CRYBG1: variants seen among roughly 807,000 people sequenced by gnomAD.
CRYBG1 encodes the protein beta/gamma crystallin domain-containing protein 1.
CRYBG1 carries 139 observed loss-of-function variants against 189.2 expected under a neutral mutation model. That is an observed-to-expected ratio of 0.73 (90% CI 0.64 to 0.85). The LOEUF (loss-of-function observed/expected upper bound fraction) is 0.85, where lower values mean the gene tolerates loss of function less well. Among genes scored for constraint, CRYBG1 ranks in the 40% least tolerant of loss-of-function variants. The pLI is 0.00. For missense variants in CRYBG1, 2,611 were observed against 2,675.8 expected, an observed-to-expected ratio of 0.98 and a Z score of 0.53; for synonymous variants, 1,023 against 1,017.1, an observed-to-expected ratio of 1.01 and a Z score of -0.11.
intron 10 of CRYBG1, among the ~76,000 whole-genome samples, chr6:106,543,082 GAGTGC>G (rs1774173107): frequency 6.7e-6 from 1 of 149,416 alleles, no homozygotes; most frequent in Admixed American, 6.7e-5. Context: ...ACCCAGGCTG[GAGTGC>G]AGTGACGTGA....
At chr6:106,378,769 T>G (rs1770224210) in intron 1 of CRYBG1, among the ~76,000 whole-genome samples, 1 of 152,196 alleles carries the variant, frequency 6.6e-6, no homozygotes, top group Non-Finnish European at 1.5e-5. Context: ...TGTTTTGTAG[T>G]TTTACTGGTT....
chr6:106,565,861 CTT>C (rs1460256095), intron 21 of CRYBG1, among the ~76,000 whole-genome samples: 2 of 152,066 alleles, frequency 1.3e-5, no homozygotes, highest in Non-Finnish European at 2.9e-5. Context: ...TTTTGATAAA[CTT>C]TATTGCACTA....
chr6:106,434,701 C>T (rs1239412428), intron 1 of CRYBG1, among the ~76,000 whole-genome samples: 3 of 152,222 alleles, frequency 2.0e-5, no homozygotes, highest in Admixed American at 6.5e-5. Flanking sequence ...CAGCCATGGA[C>T]ATGGCTGTAT....
chr6:106,520,003 C>A lies in CRYBG1; in HGVS notation c.2795C>A (p.Thr932Lys). Residue 932 changes from threonine (T) to lysine (K), a missense_variant, in exon 4 of 22, where the codon ACA (threonine) becomes AAA (lysine). By Grantham distance (78) the Thr-to-Lys change is moderately conservative (BLOSUM62 -1). Around this residue, in one of 3 missense-constraint regions of CRYBG1, gnomAD observed 1,622 missense variants for 1,735.0 expected, o/e 0.93. Transcript: ENST00000633556. ...KMPLLELGGE[T>K]TPPLSTERSP... ...CCACTTTTAGAACTTGGAGGAGAAA[C>A]AACCCCTCCTTTGTCCACAGAGCGT... The A allele has an allele frequency of 6.2e-7, 1 of 1,614,142 alleles. No homozygotes were observed. The highest frequency in any genetic ancestry group is 8.5e-7 in the Non-Finnish European group (1 of 1,180,026).
intron 2 of CRYBG1, among the ~76,000 whole-genome samples, chr6:106,456,274 C>G (rs1217658107): frequency 6.6e-6 from 1 of 152,048 alleles, no homozygotes; most frequent in Non-Finnish European, 1.5e-5. Context: ...CTGCCTCAGC[C>G]TCCCTACTAG....
At chr6:106,505,316 G>A (rs193192218) in intron 2 of CRYBG1, among the ~76,000 whole-genome samples, 1 of 151,976 alleles carries the variant, frequency 6.6e-6, no homozygotes, top group African/African-American at 2.4e-5. Flanking sequence ...GGATGGTCTC[G>A]ATCTCTTGAC....
At chr6:106,386,889 C>T (rs1489710099) in intron 1 of CRYBG1, among the ~76,000 whole-genome samples, 1 of 152,174 alleles carries the variant, frequency 6.6e-6, no homozygotes, top group Non-Finnish European at 1.5e-5. Flanking sequence ...GGGACCCCTG[C>T]TCTAGAGGAG....
intron 8 of CRYBG1, among the ~76,000 whole-genome samples, chr6:106,531,447 T>C (rs1353381368): frequency 6.6e-6 from 1 of 152,144 alleles, no homozygotes; most frequent in African/African-American, 2.4e-5. Flanking sequence ...GAAAAACCAG[T>C]AGAAATTAGA....
chr6:106,439,227 C>T (rs1045726761), intron 1 of CRYBG1, among the ~76,000 whole-genome samples: 2 of 151,960 alleles, frequency 1.3e-5, no homozygotes, highest in African/African-American at 2.4e-5. Context: ...ATACCAATAG[C>T]CTTTATTCTT....
intron 1 of CRYBG1, among the ~76,000 whole-genome samples, chr6:106,419,739 A>G (rs1447899314): frequency 6.6e-6 from 1 of 152,166 alleles, no homozygotes; most frequent in African/African-American, 2.4e-5. Flanking sequence ...AAATACAGAA[A>G]TGTTCTATTA....
chr6:106,483,027 T>C (rs545675207), intron 2 of CRYBG1, among the ~76,000 whole-genome samples: 5 of 152,190 alleles, frequency 3.3e-5, no homozygotes, highest in African/African-American at 1.2e-4. Flanking sequence ...TATTTTGTAA[T>C]ATACAGTACC....
chr6:106,477,387 G>A (rs1397154888), intron 2 of CRYBG1, among the ~76,000 whole-genome samples: 1 of 152,170 alleles, frequency 6.6e-6, no homozygotes, highest in African/African-American at 2.4e-5. Flanking sequence ...TGTGCTTTCA[G>A]TAGATAGTTA....
chr6:106,560,526 C>G (rs1317333402), intron 18 of CRYBG1, among the ~76,000 whole-genome samples: 2 of 152,176 alleles, frequency 1.3e-5, no homozygotes, highest in African/African-American at 4.8e-5. Flanking sequence ...ACTGAGGAAT[C>G]CACTAAAAGA....
intron 2 of CRYBG1, among the ~76,000 whole-genome samples, chr6:106,476,882 C>T (rs534048111): frequency 2.6e-3 from 389 of 152,260 alleles, no homozygotes; most frequent in Non-Finnish European, 4.4e-3. Flanking sequence ...CTAGCACTGC[C>T]ACTTGATAGC....
chr6:106,441,192 A>T (rs899683020), intron 1 of CRYBG1, among the ~76,000 whole-genome samples: 8 of 152,198 alleles, frequency 5.3e-5, no homozygotes, highest in African/African-American at 1.9e-4. Flanking sequence ...AAGGGCAAAC[A>T]AATCTGTCTG....
rs1773256143 is a variant in CRYBG1 at position 106,511,533 on chromosome 6, A to T, written c.416A>T (p.Glu139Val). 3 of 1,535,718 alleles carry T rather than the reference A, an allele frequency of 2.0e-6. No individual in the cohort carries two copies. The highest frequency in any genetic ancestry group is 2.6e-6 in the Non-Finnish European group (3 of 1,146,656). Residue 139 changes from glutamate (E) to valine (V), a missense_variant, in exon 3 of 22, where the codon GAG becomes GTG. Glu to Val is a moderately radical substitution (Grantham distance 121, BLOSUM62 -2). Transcript: ENST00000633556. ...GRRRNSRNGL[E>V]SPTRSNAKPL... ...AGAAGAAACAGTAGAAACGGGTTAGAGAGTCCCACCAGATCAAATGCCAAA... is the reference window on the plus strand; with the variant it reads ...AGAAGAAACAGTAGAAACGGGTTAGTGAGTCCCACCAGATCAAATGCCAAA...
At chr6:106,391,492 A>T (rs1195969046) in intron 1 of CRYBG1, among the ~76,000 whole-genome samples, 1 of 152,132 alleles carries the variant, frequency 6.6e-6, no homozygotes, top group Non-Finnish European at 1.5e-5. Flanking sequence ...AACTTTTCAC[A>T]AATCTATTGG....
chr6:106,450,403 A>G (rs2114435523), intron 1 of CRYBG1, among the ~76,000 whole-genome samples: 1 of 152,286 alleles, frequency 6.6e-6, no homozygotes, highest in South Asian at 2.1e-4. Flanking sequence ...CTGTTGCGAA[A>G]TGCTGAGGTC....
intron 1 of CRYBG1, among the ~76,000 whole-genome samples, chr6:106,387,931 T>A (rs1770422784): frequency 6.6e-6 from 1 of 152,218 alleles, no homozygotes; most frequent in Admixed American, 6.5e-5. Flanking sequence ...TATTCTTCCA[T>A]TGGAGCAATT....
Sources: allele counts gnomAD v4.1 joint callset (sites outside exome capture counted in the v4.1 genomes callset), GRCh38; gene constraint gnomAD v4.1.1; regional missense constraint gnomAD v4.1.1; transcripts MANE v1.5; gene names NCBI Gene and HGNC (gene_info 2026-07-23, HGNC 2026-07-21).